PRKCZ: variants seen among roughly 807,000 people sequenced by gnomAD.
The protein encoded by PRKCZ is protein kinase C zeta.
PRKCZ carries 33 observed loss-of-function variants against 79.5 expected under a neutral mutation model. That is an observed-to-expected ratio of 0.41 (90% CI 0.31 to 0.55). The LOEUF is 0.55. PRKCZ is among the 20% of genes least tolerant of loss of function. The pLI is 0.19. For missense variants in PRKCZ, 578 were observed against 813.5 expected, an observed-to-expected ratio of 0.71 and a Z score of 3.52; for synonymous variants, 342 against 320.9, an observed-to-expected ratio of 1.07 and a Z score of -0.70.
intron 4 of PRKCZ, among the ~76,000 whole-genome samples, chr1:2,120,420 G>A (rs566653120): frequency 2.7e-5 from 4 of 145,462 alleles, no homozygotes; most frequent in African/African-American, 7.6e-5. Flanking sequence ...CTGCCTCAGC[G>A]TCCCGAGTAG....
rs371702041 is a variant in PRKCZ at position 2,170,229 on chromosome 1, C to T, written c.1061+625C>T. 2.6e-4 allele frequency among the ~76,000 whole-genome samples: 39 copies of T among 152,284 alleles called. 1 individual carries two copies. The East Asian group carries it at 7.1e-3, about 28-fold the overall frequency. ...CCTTCCCTTTCATCTCTGATATCTT[C>T]GGGCCTCCCCTGGCAGCCGAGGGGC... is the stretch of plus-strand genomic sequence containing the variant. On this transcript the variant is annotated intron_variant, in intron 11 of 17. Coordinates refer to ENST00000378567, the MANE Select transcript of PRKCZ (RefSeq NM_002744.6).
chr1:2,112,955 G>A (rs1156543536), intron 4 of PRKCZ, among the ~76,000 whole-genome samples: 1 of 152,240 alleles, frequency 6.6e-6, no homozygotes, highest in African/African-American at 2.4e-5. Flanking sequence ...GCCTCCCAAA[G>A]TGCTGGGATT....
At chr1:2,073,771 A>G in intron 4 of PRKCZ, 1 of 1,010,646 alleles carries the variant, frequency 9.9e-7, no homozygotes, top group Admixed American at 5.3e-5. Context: ...CTTCCGTTAA[A>G]TATCTGCTCC....
At chr1:2,051,215 G>C (rs1364010012) in intron 1 of PRKCZ, among the ~76,000 whole-genome samples, 1 of 152,052 alleles carries the variant, frequency 6.6e-6, no homozygotes, top group Non-Finnish European at 1.5e-5. Context: ...GTTTCTGGAG[G>C]AGACGGTGGG....
At position 2,094,431 on chromosome 1, in the gene PRKCZ, C is replaced by T. The variant is rs1666068335; in HGVS notation, c.334+34840C>T. 6.6e-6 allele frequency among the ~76,000 whole-genome samples: 1 copy of T among 150,556 alleles called. No homozygotes were observed. The highest frequency in any genetic ancestry group is 1.5e-5 in the Non-Finnish European group (1 of 67,604). On this transcript the variant is annotated intron_variant, in intron 4 of 17. Coordinates refer to ENST00000378567, the MANE Select transcript of PRKCZ (RefSeq NM_002744.6). The surrounding 1 kb of genome is among the most constrained non-coding windows in gnomAD (Gnocchi z 7.3). Reference sequence around the variant, plus strand: ...CGGCTCGTTGAACCTTGGGCGCTGCCCGTTCTGAGGCACCCGCTGTGCCCG... The same window carrying T: ...CGGCTCGTTGAACCTTGGGCGCTGCTCGTTCTGAGGCACCCGCTGTGCCCG...
In PRKCZ at chr1:2,174,941, G is replaced by A. The variant is rs1321539307; in HGVS notation, c.1485+108G>A. 7 of 1,157,738 alleles carry A rather than the reference G, an allele frequency of 6.0e-6. No homozygotes were observed. Among genetic ancestry groups the A allele is most frequent in the South Asian group, 5.3e-5 (4 of 75,716 alleles). 71.7% of individuals were successfully genotyped at this position (1,157,738 alleles called of 1,614,324 possible). ...TTTTTCATGTCGGCTGCTGTGTATC[G>A]GGTGTGTGGGTTGATTTTCCGCTTC... On this transcript the variant is annotated intron_variant, in intron 15 of 17. Coordinates refer to ENST00000378567, the MANE Select transcript of PRKCZ (RefSeq NM_002744.6). This position sits in a 1 kb window ranked among gnomAD's most constrained non-coding sequence, Gnocchi z 6.2.
intron 4 of PRKCZ, among the ~76,000 whole-genome samples, chr1:2,112,989 G>C (rs1194842305): frequency 1.3e-5 from 2 of 152,328 alleles, no homozygotes; most frequent in South Asian, 2.1e-4. Flanking sequence ...ACTGCGCCCG[G>C]CCCCATTTTC....
At chr1:2,051,923 G>A (rs1240054380) in intron 1 of PRKCZ, among the ~76,000 whole-genome samples, 1 of 152,226 alleles carries the variant, frequency 6.6e-6, no homozygotes, top group Non-Finnish European at 1.5e-5. Context: ...CAGTGGCCCG[G>A]GTTTGGTGCC....
chr1:2,167,567 C>T (rs765665504), intron 10 of PRKCZ, among the ~76,000 whole-genome samples: 3 of 152,056 alleles, frequency 2.0e-5, no homozygotes, highest in East Asian at 1.9e-4. Context: ...AAAAAATGTG[C>T]GGTGAAGTCA....
rs2102964286 is a variant in PRKCZ at position 2,128,360 on chromosome 1, G to T, written c.335-6902G>T. Among the ~76,000 whole-genome samples the T allele has an allele frequency of 6.6e-6, 1 of 152,382 alleles. No individual in the cohort carries two copies. Among genetic ancestry groups the T allele is most frequent in the South Asian group, 2.1e-4 (1 of 4,830 alleles). On this transcript the variant is annotated intron_variant, in intron 4 of 17. Transcript: ENST00000378567. This position sits in a 1 kb window ranked among gnomAD's most constrained non-coding sequence, Gnocchi z 6.5. ...GGCCTCAAGTGCCCCCTGACCTGCTGCCAGGGACTCGGCCCCTCCCTCACC... is the reference window on the plus strand; with the variant it reads ...GGCCTCAAGTGCCCCCTGACCTGCTTCCAGGGACTCGGCCCCTCCCTCACC...
At chr1:2,058,986 G>A (rs1208240311) in intron 3 of PRKCZ, among the ~76,000 whole-genome samples, 2 of 152,076 alleles carry the variant, frequency 1.3e-5, no homozygotes, top group African/African-American at 4.8e-5. Context: ...GTAGAGATGG[G>A]GTTTCGTCAT....
At position 2,106,576 on chromosome 1, in the gene PRKCZ, A is replaced by G. The variant is rs75013702; in HGVS notation, c.335-28686A>G. On this transcript the variant is annotated intron_variant, in intron 4 of 17. Transcript: ENST00000378567. Reference sequence around the variant, plus strand: ...TCACCAGGCCAGGTAACTCTCAGCAAGCCCCTCCAGTGGGCGAGGACCTCC... The same window carrying G: ...TCACCAGGCCAGGTAACTCTCAGCAGGCCCCTCCAGTGGGCGAGGACCTCC... Among the ~76,000 whole-genome samples the G allele has an allele frequency of 8.0e-3, 176 of 22,066 alleles. 64 individuals are homozygous for G. The highest frequency in any genetic ancestry group is 0.025 in the African/African-American group (135 of 5,488). The allele number at this position is 22,066 out of a possible 152,430, so 14.5% of individuals were successfully genotyped here.
rs761599445 is a variant in PRKCZ, at chr1:2,144,254, G to A, written c.465G>A (p.Ala155=). 7.8e-5 allele frequency: 121 copies of A among 1,556,966 alleles called. 2 individuals are homozygous for A. The South Asian group carries it at 1.1e-3, about 14-fold the overall frequency. ...GQCSERIWGL[A]RQGYRCINCK... ...GCAGCGAGAGGATATGGGGCCTCGC[G>A]AGGCAAGGCTACAGGTGCATCAACT... Residue 155 remains alanine, a synonymous_variant, in exon 6 of 18, where the codon GCG becomes GCA. Coordinates refer to ENST00000378567, the MANE Select transcript of PRKCZ (RefSeq NM_002744.6).
chr1:2,091,155 C>T (rs961240087), intron 4 of PRKCZ, among the ~76,000 whole-genome samples: 23 of 152,196 alleles, frequency 1.5e-4, no homozygotes, highest in Non-Finnish European at 3.2e-4. Context: ...CCTCAGCTTC[C>T]CAAGTAGCTG....
chr1:2,182,687 T>G (rs1486369154), intron 16 of PRKCZ: 2 of 154,724 alleles, frequency 1.3e-5, no homozygotes, highest in Non-Finnish European at 2.9e-5. Flanking sequence ...CGCCGTGACA[T>G]CCTCCCCTCA....
chr1:2,156,164 G>A (rs1291597332), intron 10 of PRKCZ, 72 bp downstream of exon 10: 2 of 1,411,908 alleles, frequency 1.4e-6, no homozygotes, highest in Non-Finnish European at 2.0e-6. Context: ...TAAGTCTGGT[G>A]TGATGTGTCA....
intron 4 of PRKCZ, 89 bp from the exon 5 acceptor site, chr1:2,135,173 C>G (rs960096697): frequency 1.5e-4 from 178 of 1,174,090 alleles, no homozygotes; most frequent in Non-Finnish European, 2.1e-4. Context: ...CCGCCACCAC[C>G]TGGACGGGAG....
chr1:2,059,456 CCTGA>C (rs1660471512), intron 3 of PRKCZ, 81 bp from the exon 4 acceptor site: 2 of 1,529,564 alleles, frequency 1.3e-6, no homozygotes, highest in East Asian at 2.3e-5. Flanking sequence ...ACGTGCTCAG[CCTGA>C]CTGAGGCGGG....
chr1:2,179,655 AT>A (rs1205029502), intron 16 of PRKCZ, among the ~76,000 whole-genome samples: 1 of 152,152 alleles, frequency 6.6e-6, no homozygotes, highest in Non-Finnish European at 1.5e-5. Flanking sequence ...GTGACAGCCG[AT>A]TCTCTTGAGA....
Sources: allele counts gnomAD v4.1 joint callset (sites outside exome capture counted in the v4.1 genomes callset), GRCh38; gene constraint gnomAD v4.1.1; non-coding constraint Gnocchi (gnomAD v3.1); transcripts MANE v1.5; gene names NCBI Gene and HGNC (gene_info 2026-07-23, HGNC 2026-07-21).